Variants in ENOX1 observed in about 807,000 individuals in gnomAD.
ENOX1 encodes the protein ecto-NOX disulfide-thiol exchanger 1, also known as candidate growth-related and time keeping constitutive hydroquinone (NADH) oxidase.
A neutral mutation model predicts 82.5 loss-of-function variants in ENOX1; 42 were observed. The observed-to-expected ratio is 0.51, with a 90% CI of 0.40 to 0.66. The LOEUF (loss-of-function observed/expected upper bound fraction) is 0.66, where lower values mean the gene tolerates loss of function less well. ENOX1 is among the 30% of genes least tolerant of loss of function. The pLI is 0.00. For synonymous variants in ENOX1, 271 were observed against 282.2 expected, an observed-to-expected ratio of 0.96 and a Z score of 0.40; for missense variants, 608 against 811.6, an observed-to-expected ratio of 0.75 and a Z score of 3.05.
intron 1 of ENOX1, among the ~76,000 whole-genome samples, chr13:43,761,370 C>T (rs1180554684): frequency 1.3e-5 from 2 of 152,342 alleles, no homozygotes; most frequent in African/African-American, 2.4e-5. Context: ...AAATTTGCCA[C>T]ATGGACTCAT....
intron 2 of ENOX1, among the ~76,000 whole-genome samples, chr13:43,659,488 T>TA (rs58996950): frequency 0.11 from 16,575 of 145,598 alleles, 1,201 homozygotes; most frequent in East Asian, 0.34. Flanking sequence ...AAACCCTGTG[T>TA]AAAAAAAAAA....
At chr13:43,598,320 T>C (rs1022896067) in intron 2 of ENOX1, among the ~76,000 whole-genome samples, 4 of 152,222 alleles carry the variant, frequency 2.6e-5, no homozygotes, top group African/African-American at 7.2e-5. Context: ...TTTTGCTCCA[T>C]GCTTTCTCCA....
At chr13:43,587,546 T>G (rs1331173997) in intron 2 of ENOX1, among the ~76,000 whole-genome samples, 1 of 152,210 alleles carries the variant, frequency 6.6e-6, no homozygotes, top group African/African-American at 2.4e-5. Flanking sequence ...TTTTTACCTA[T>G]AGAGTACTTA....
At chr13:43,767,971 G>T (rs901537442) in intron 1 of ENOX1, among the ~76,000 whole-genome samples, 1 of 152,140 alleles carries the variant, frequency 6.6e-6, no homozygotes, top group Non-Finnish European at 1.5e-5. Flanking sequence ...GGGAGCGGAG[G>T]GGGGCTTCTT....
At chr13:43,366,157 G>C (rs1326693098) in intron 5 of ENOX1, among the ~76,000 whole-genome samples, 1 of 152,018 alleles carries the variant, frequency 6.6e-6, no homozygotes, top group African/African-American at 2.4e-5. Context: ...TTCATTCCAT[G>C]TTTTCTTTTT....
chr13:43,438,847 T>C (rs1473252963), intron 3 of ENOX1, among the ~76,000 whole-genome samples: 1 of 152,118 alleles, frequency 6.6e-6, no homozygotes, highest in East Asian at 1.9e-4. Context: ...CCAAAGGAGA[T>C]TCTGATATGC....
chr13:43,777,699 T>A (rs1038915707), intron 1 of ENOX1, among the ~76,000 whole-genome samples: 3 of 151,868 alleles, frequency 2.0e-5, no homozygotes, highest in Non-Finnish European at 4.4e-5. Flanking sequence ...CCCACCACTA[T>A]GCCTGGCTAA....
intron 2 of ENOX1, among the ~76,000 whole-genome samples, chr13:43,579,332 T>C (rs1476066358): frequency 6.6e-6 from 1 of 152,220 alleles, no homozygotes; most frequent in Non-Finnish European, 1.5e-5. Flanking sequence ...TTGATGGAGA[T>C]ATTAGAAAGA....
intron 2 of ENOX1, among the ~76,000 whole-genome samples, chr13:43,540,716 G>T (rs1172189416): frequency 1.3e-5 from 2 of 152,120 alleles, no homozygotes; most frequent in East Asian, 1.9e-4. Flanking sequence ...GCAATATCAT[G>T]GTCAGGTTTA....
chr13:43,365,621 T>C (rs77156981), intron 5 of ENOX1, among the ~76,000 whole-genome samples: 2,398 of 152,232 alleles, frequency 0.016, 59 homozygotes, highest in African/African-American at 0.055. Flanking sequence ...AGTTGAGAAA[T>C]ACTAGGCCAA....
At chr13:43,344,032 A>G (rs918211194) in intron 9 of ENOX1, among the ~76,000 whole-genome samples, 3 of 152,180 alleles carry the variant, frequency 2.0e-5, no homozygotes, top group African/African-American at 7.2e-5. Context: ...AAGGACAAAA[A>G]AATCTCTACT....
intron 12 of ENOX1, among the ~76,000 whole-genome samples, chr13:43,283,622 T>TTG (rs973131607): frequency 4.6e-5 from 7 of 151,730 alleles, no homozygotes; most frequent in African/African-American, 1.7e-4. Flanking sequence ...ATTAATTTTT[T>TTG]TTTTTTTTGT....
chr13:43,641,620 C>T (rs2083658245), intron 2 of ENOX1, among the ~76,000 whole-genome samples: 1 of 133,146 alleles, frequency 7.5e-6, no homozygotes, highest in Non-Finnish European at 1.5e-5. Context: ...ACTGCAAGCT[C>T]CGCCTCCCAG....
chr13:43,394,167 A>C (rs906136854), intron 5 of ENOX1, among the ~76,000 whole-genome samples: 1 of 152,248 alleles, frequency 6.6e-6, no homozygotes, highest in Non-Finnish European at 1.5e-5. Flanking sequence ...ACAGCAATAC[A>C]TAATGAACTA....
intron 9 of ENOX1, 67 bp downstream of exon 9, chr13:43,344,471 A>G: frequency 7.4e-7 from 1 of 1,347,094 alleles, no homozygotes; most frequent in East Asian, 2.3e-5. Flanking sequence ...CAAATGAAAA[A>G]GTAAAATTAA....
intron 1 of ENOX1, among the ~76,000 whole-genome samples, chr13:43,778,352 T>C (rs1952047035): frequency 1.3e-5 from 2 of 152,218 alleles, no homozygotes; most frequent in East Asian, 1.9e-4. Flanking sequence ...GCTAGTGGCC[T>C]AAGAACTGGC....
At chr13:43,469,876 C>T (rs907018311) in intron 3 of ENOX1, among the ~76,000 whole-genome samples, 6 of 151,778 alleles carry the variant, frequency 4.0e-5, no homozygotes, top group Non-Finnish European at 8.8e-5. Flanking sequence ...TGAAGACTTA[C>T]TATAAAGCTA....
chr13:43,561,992 AGAGGGAGG>A (rs565128218), intron 2 of ENOX1, among the ~76,000 whole-genome samples: 1 of 117,282 alleles, frequency 8.5e-6, no homozygotes, highest in African/African-American at 3.2e-5. Context: ...AGGAAGAGAG[AGAGGGAGG>A]GAGGGAGGGA....
intron 2 of ENOX1, among the ~76,000 whole-genome samples, chr13:43,486,053 A>G (rs1188956444): frequency 6.6e-6 from 1 of 152,192 alleles, no homozygotes; most frequent in Non-Finnish European, 1.5e-5. Flanking sequence ...TACTAAAAAC[A>G]CAAAAAATTA....
Sources: gnomAD v4.1 joint callset for allele counts (sites outside exome capture counted in the v4.1 genomes callset) on GRCh38, gnomAD v4.1.1 for gene constraint, MANE v1.5 for transcripts, NCBI Gene and HGNC (gene_info 2026-07-23, HGNC 2026-07-21) for gene names.